CAPG: variants seen among roughly 807,000 people sequenced by gnomAD.
The protein encoded by CAPG is macrophage-capping protein.
In CAPG, 32 loss-of-function variants were observed where a neutral mutation model predicts 44.6. The observed-to-expected ratio is 0.72, with a 90% confidence interval of 0.54 to 0.96. CAPG has a LOEUF of 0.96. Ranked by LOEUF, CAPG falls within the 50% of genes least tolerant of loss-of-function variation. The pLI, the probability that CAPG is intolerant of heterozygous loss-of-function variation, is 0.00. For synonymous variants in CAPG, 175 were observed against 179.6 expected (o/e 0.97, Z 0.20); for missense variants, 412 against 438.3 (o/e 0.94, Z 0.54).
chr2:85,415,592 G>A (rs1284601988), intron 1 of CAPG, among the ~76,000 whole-genome samples: 4 of 152,282 alleles, frequency 2.6e-5, no homozygotes, highest in African/African-American at 9.6e-5. Flanking sequence ...GCCAGGGACC[G>A]TGTCAAGTCA....
At chr2:85,418,902 C>T (rs1573199742), upstream of CAPG, 1 of 152,440 alleles carries the variant, frequency 6.6e-6, no homozygotes, top group South Asian at 2.1e-4. Context: ...TCTCTGCGAA[C>T]CTGAGCCCCG....
Position 85,399,276 on chromosome 2 carries a change from C to A in CAPG, c.526G>T (p.Ala176Ser). The A allele has an allele frequency of 6.2e-7, 1 of 1,614,070 alleles. No individual in the cohort carries two copies. The highest frequency in any genetic ancestry group is 8.5e-7 in the Non-Finnish European group (1 of 1,179,970). The change falls in exon 6 of 10, where the codon GCC (alanine) becomes TCC (serine). Residue 176 changes from alanine (A) to serine (S), a missense_variant. Transcript: ENST00000263867. ...ATGTTGGACTTTCCACCACACCAGG[C>A]GAAGATGTTCTGCAAGGAAGCAGGA... ...FILDLGQNIF[A>S]WCGGKSNILE...
intron 1 of CAPG, among the ~76,000 whole-genome samples, chr2:85,403,942 A>C (rs1174437554): frequency 6.6e-6 from 1 of 151,328 alleles, no homozygotes; most frequent in Non-Finnish European, 1.5e-5. Context: ...AAATCAAATA[A>C]TATATAAAAA....
At chr2:85,414,680 C>A (rs1247161949), upstream of CAPG, among the ~76,000 whole-genome samples, 1 of 151,860 alleles carries the variant, frequency 6.6e-6, no homozygotes, top group Non-Finnish European at 1.5e-5. Context: ...GATCCTCCTG[C>A]TTTGGCCTCC....
Position 85,401,599 on chromosome 2 carries a change from T to A in CAPG, c.281A>T (p.Gln94Leu). 1 of 1,614,124 alleles carries A rather than the reference T, an allele frequency of 6.2e-7. No homozygotes were observed. ...LNTLLGERPV[Q>L]HREVQGNESD... ...CTCATTGCCCTGCACCTCGCGGTGC[T>A]GCACAGGCCGCTCTCCCAGCAGCGT... Residue 94 changes from glutamine to leucine, a missense_variant, in exon 4 of 10, where the codon CAG becomes CTG. Gln to Leu is a moderately radical substitution (Grantham distance 113, BLOSUM62 -2). Transcript: ENST00000263867.
At chr2:85,403,875 A>G (rs768848095) in intron 1 of CAPG, among the ~76,000 whole-genome samples, 3 of 133,762 alleles carry the variant, frequency 2.2e-5, no homozygotes, top group Admixed American at 1.6e-4. Flanking sequence ...TGACAGAGTG[A>G]GACTCCATCT....
chr2:85,418,465 C>A (rs969262985), upstream of CAPG: 1 of 152,282 alleles, frequency 6.6e-6, no homozygotes, highest in African/African-American at 2.4e-5. Context: ...GGCCCTAGAC[C>A]CCTAAGAACT....
downstream of CAPG, among the ~76,000 whole-genome samples, chr2:85,392,131 C>G (rs1365718747): frequency 6.6e-6 from 1 of 152,230 alleles, no homozygotes; most frequent in Admixed American, 6.5e-5. Context: ...TGGCTCACGC[C>G]TGTAATCCCA....
At chr2:85,405,584 A>G (rs763651605) in intron 1 of CAPG, among the ~76,000 whole-genome samples, 2 of 152,214 alleles carry the variant, frequency 1.3e-5, no homozygotes, top group Non-Finnish European at 2.9e-5. Context: ...ACAGAGCAGA[A>G]GGTATTAAGT....
At chr2:85,414,687 C>T (rs776263127), upstream of CAPG, among the ~76,000 whole-genome samples, 4 of 151,948 alleles carry the variant, frequency 2.6e-5, no homozygotes, top group Non-Finnish European at 5.9e-5. Flanking sequence ...CTGCTTTGGC[C>T]TCCCAAAGTG....
intron 1 of CAPG, among the ~76,000 whole-genome samples, chr2:85,404,757 A>C (rs530694073): frequency 2.0e-5 from 3 of 151,908 alleles, no homozygotes; most frequent in Admixed American, 1.3e-4. Context: ...CAAAAAAATA[A>C]AATAAAATAA....
At chr2:85,414,253 C>A (rs1203756161), upstream of CAPG, among the ~76,000 whole-genome samples, 2 of 152,162 alleles carry the variant, frequency 1.3e-5, no homozygotes, top group African/African-American at 4.8e-5. Context: ...ATCGTTAGGC[C>A]CCCGGCCTCA....
rs148466827 is a variant in CAPG, at chr2:85,402,140, G to A, written c.6C>T (p.Tyr2=). The A allele has an allele frequency of 5.0e-6, 8 of 1,604,990 alleles. No homozygotes were observed. The African/African-American group carries it at 8.0e-5, about 16-fold the overall frequency. The stretch of plus-strand genomic sequence containing the variant: ...CAGCTTACCTCTGGGGAATGGCTGT[G>A]TACATGCTGTCTTCAGATCTGGAAA... M[Y]TAIPQSGSPF... The change falls in exon 2 of 10, where the codon TAC becomes TAT. Residue 2 remains tyrosine, a synonymous_variant. Transcript: ENST00000263867.
rs866086179 is a variant in CAPG, at chr2:85,406,580, C to T, written c.-14+3737G>A. On this transcript the variant is annotated intron_variant, in intron 1 of 9. Coordinates refer to ENST00000263867, the MANE Select transcript of CAPG (RefSeq NM_001747.4). ...ATTCAGCAAGAATCCTGTTAGGGGC[C>T]GGGCACAGTGGCTCATGCCTGTAAT... Among the ~76,000 whole-genome samples, 7 of 152,240 alleles carry T rather than the reference C, an allele frequency of 4.6e-5. No homozygotes were observed. The Middle Eastern group carries it at 0.014, about 296-fold the overall frequency.
upstream of CAPG, among the ~76,000 whole-genome samples, chr2:85,413,580 CA>C (rs1183963683): frequency 6.6e-6 from 1 of 151,938 alleles, no homozygotes; most frequent in Admixed American, 6.6e-5. Flanking sequence ...AACTCCGTCT[CA>C]AAAAACAAAC....
chr2:85,394,199 A>G (rs1686483342), downstream of CAPG, among the ~76,000 whole-genome samples: 1 of 152,230 alleles, frequency 6.6e-6, no homozygotes, highest in Admixed American at 6.5e-5. Flanking sequence ...GAATGAACTA[A>G]GGTCTAGCAA....
chr2:85,399,413 C>T, intron 5 of CAPG, 128 bp from the exon 6 acceptor site: 1 of 943,322 alleles, frequency 1.1e-6, no homozygotes, highest in Non-Finnish European at 1.6e-6. Context: ...ACCAGGAAGG[C>T]AGAGCACAGC....
intron 1 of CAPG, among the ~76,000 whole-genome samples, chr2:85,408,005 T>C (rs1687243411): frequency 6.6e-6 from 1 of 152,026 alleles, no homozygotes; most frequent in Non-Finnish European, 1.5e-5. Flanking sequence ...CACAGCTCCT[T>C]GAGCTTCCTC....
At chr2:85,402,866 G>A (rs186941366) in intron 1 of CAPG, among the ~76,000 whole-genome samples, 51 of 151,942 alleles carry the variant, frequency 3.4e-4, no homozygotes, top group African/African-American at 1.2e-3. Context: ...TGCCTCATGA[G>A]TTCAAGTGAT....
Sources: allele counts gnomAD v4.1 joint callset (sites outside exome capture counted in the v4.1 genomes callset), GRCh38; gene constraint gnomAD v4.1.1; transcripts MANE v1.5; gene names NCBI Gene and HGNC (gene_info 2026-07-23, HGNC 2026-07-21).